NKAIN2: variants seen among roughly 807,000 people sequenced by gnomAD.
NKAIN2 encodes the protein sodium/potassium transporting ATPase interacting 2, also known as sodium/potassium-transporting ATPase subunit beta-1-interacting protein 2.
NKAIN2 carries 14 observed loss-of-function variants against 32.6 expected under a neutral mutation model. That is an observed-to-expected ratio of 0.43 (90% CI 0.28 to 0.67). The LOEUF is 0.67. Among genes scored for constraint, NKAIN2 ranks in the 30% least tolerant of loss-of-function variants. The pLI is 0.17. For synonymous variants in NKAIN2, 80 were observed against 87.2 expected, an observed-to-expected ratio of 0.92 and a Z score of 0.46; for missense variants, 198 against 258.3, an observed-to-expected ratio of 0.77 and a Z score of 1.60.
At chr6:124,176,571 A>AATGTTTATAAACAC (rs2114523507) in intron 1 of NKAIN2, among the ~76,000 whole-genome samples, 1 of 152,268 alleles carries the variant, frequency 6.6e-6, no homozygotes, top group African/African-American at 2.4e-5. Flanking sequence ...ATAAACATGT[A>AATGTTTATAAACAC]ATGTTTATAA....
chr6:124,228,939 A>C (rs1183891007), intron 1 of NKAIN2, among the ~76,000 whole-genome samples: 1 of 152,262 alleles, frequency 6.6e-6, no homozygotes, highest in Non-Finnish European at 1.5e-5. Flanking sequence ...TTTATCACAA[A>C]AACATAAGGA....
At chr6:124,111,999 ATTAT>A (rs879379496) in intron 1 of NKAIN2, among the ~76,000 whole-genome samples, 1 of 152,200 alleles carries the variant, frequency 6.6e-6, no homozygotes, top group South Asian at 2.1e-4. Flanking sequence ...ATCTATTCAT[ATTAT>A]TTATCTTTTA....
chr6:123,969,967 A>T, intron 1 of NKAIN2, among the ~76,000 whole-genome samples: 1 of 152,192 alleles, frequency 6.6e-6, no homozygotes, highest in East Asian at 1.9e-4. Flanking sequence ...CAATCAAAGG[A>T]TAAAATAATA....
chr6:123,911,801 G>GTGTATATATATATATATATGTA (rs1491517731), intron 1 of NKAIN2, among the ~76,000 whole-genome samples: 1 of 58,400 alleles, frequency 1.7e-5, no homozygotes, highest in African/African-American at 7.3e-5. Flanking sequence ...ATATATATAT[G>GTGTATATATATATATATATGTA]TATATATATA....
intron 3 of NKAIN2, among the ~76,000 whole-genome samples, chr6:124,608,421 G>A (rs1782574064): frequency 1.3e-5 from 2 of 152,166 alleles, no homozygotes; most frequent in East Asian, 1.9e-4. Flanking sequence ...ATATTTGGAG[G>A]GAGGGAGGTA....
intron 1 of NKAIN2, among the ~76,000 whole-genome samples, chr6:123,981,593 C>A (rs934133994): frequency 4.6e-5 from 7 of 152,256 alleles, no homozygotes; most frequent in African/African-American, 1.4e-4. Context: ...ACCAAGCACA[C>A]CCTGCAGAAT....
chr6:124,472,720 A>T (rs1327632525), intron 3 of NKAIN2, among the ~76,000 whole-genome samples: 1 of 7,936 alleles, frequency 1.3e-4, no homozygotes, highest in Non-Finnish European at 2.9e-4. Flanking sequence ...TAGGCAGATA[A>T]AAAAAAAAAA....
At chr6:123,972,086 T>C (rs966982500) in intron 1 of NKAIN2, among the ~76,000 whole-genome samples, 1 of 152,312 alleles carries the variant, frequency 6.6e-6, no homozygotes, top group African/African-American at 2.4e-5. Flanking sequence ...ATAGTAAATA[T>C]ATTTTCTCTT....
intron 3 of NKAIN2, among the ~76,000 whole-genome samples, chr6:124,497,098 T>C (rs1413586291): frequency 6.6e-6 from 1 of 152,098 alleles, no homozygotes; most frequent in East Asian, 1.9e-4. Flanking sequence ...ACAAGAAGGT[T>C]GAAGGCAACA....
chr6:123,998,124 G>T (rs1002229659), intron 1 of NKAIN2, among the ~76,000 whole-genome samples: 3 of 151,978 alleles, frequency 2.0e-5, no homozygotes, highest in African/African-American at 7.3e-5. Flanking sequence ...GCCTAGCTTT[G>T]ATTCTTTAAT....
intron 3 of NKAIN2, among the ~76,000 whole-genome samples, chr6:124,441,023 G>A (rs1410053119): frequency 2.6e-5 from 4 of 151,998 alleles, no homozygotes; most frequent in Admixed American, 1.3e-4. Flanking sequence ...TCCTTTCTGG[G>A]TATCACCTAA....
chr6:124,390,130 G>A (rs1583173438), intron 3 of NKAIN2, among the ~76,000 whole-genome samples: 1 of 152,212 alleles, frequency 6.6e-6, no homozygotes, highest in South Asian at 2.1e-4. Context: ...TTTTTCTCTA[G>A]TCCTTTTCTA....
At chr6:124,341,342 CAG>C (rs965281137) in intron 2 of NKAIN2, among the ~76,000 whole-genome samples, 4 of 151,926 alleles carry the variant, frequency 2.6e-5, no homozygotes, top group Admixed American at 2.0e-4. Context: ...AATCAGGTAA[CAG>C]AATATAGAGC....
chr6:124,141,049 A>G (rs1215862282), intron 1 of NKAIN2, among the ~76,000 whole-genome samples: 2 of 152,228 alleles, frequency 1.3e-5, no homozygotes, highest in African/African-American at 4.8e-5. Context: ...CTACCATATG[A>G]GATTGCTGTC....
chr6:124,404,554 G>C (rs968935554), intron 3 of NKAIN2, among the ~76,000 whole-genome samples: 2 of 151,932 alleles, frequency 1.3e-5, no homozygotes, highest in Non-Finnish European at 2.9e-5. Flanking sequence ...TGCTTTTTTA[G>C]AGGCACTCAG....
chr6:124,329,408 C>T (rs958513358), intron 2 of NKAIN2, among the ~76,000 whole-genome samples: 4 of 152,166 alleles, frequency 2.6e-5, no homozygotes, highest in Admixed American at 2.6e-4. Flanking sequence ...TTTAAAGTAA[C>T]TGGGTGGCAG....
chr6:124,623,940 T>C, intron 3 of NKAIN2, among the ~76,000 whole-genome samples: 1 of 152,192 alleles, frequency 6.6e-6, no homozygotes, highest in Middle Eastern at 3.2e-3. Flanking sequence ...CTGGCCCTAC[T>C]TGAAATAGAT....
At chr6:124,552,807 C>T (rs1284792094) in intron 3 of NKAIN2, among the ~76,000 whole-genome samples, 3 of 152,144 alleles carry the variant, frequency 2.0e-5, no homozygotes, top group South Asian at 2.1e-4. Context: ...GTATCTCAGT[C>T]GTTAAATTTA....
intron 3 of NKAIN2, among the ~76,000 whole-genome samples, chr6:124,556,286 C>A (rs1780472515): frequency 6.6e-6 from 1 of 152,154 alleles, no homozygotes; most frequent in Non-Finnish European, 1.5e-5. Flanking sequence ...TTATCCACTG[C>A]AAACTCTTGA....
Sources: gnomAD v4.1 joint callset for allele counts (sites outside exome capture counted in the v4.1 genomes callset) on GRCh38, gnomAD v4.1.1 for gene constraint, MANE v1.5 for transcripts, NCBI Gene and HGNC (gene_info 2026-07-23, HGNC 2026-07-21) for gene names.